The following WFS1 variants were observed in gnomAD, a reference collection of about 807,000 sequenced individuals.
The protein encoded by WFS1 is wolframin.
WFS1 carries 90 observed loss-of-function variants against 68.5 expected under a neutral mutation model. The ratio of observed to expected loss-of-function variants is 1.31; its 90% CI spans 1.11 to 1.56. The LOEUF (loss-of-function observed/expected upper bound fraction) is 1.56, where lower values mean the gene tolerates loss of function less well. Among genes scored for constraint, WFS1 ranks in the 40% most tolerant of loss-of-function variants. WFS1 has a pLI of 0.00. For missense variants in WFS1, 1,767 were observed against 1,232.6 expected (o/e 1.43, Z -6.49); for synonymous variants, 860 against 540.7 (o/e 1.59, Z -8.19).
In WFS1 at chr4:6,302,892, T is replaced by G. The variant is rs1731014410; in HGVS notation, c.*424T>G. On this transcript the variant is annotated 3_prime_UTR_variant, in exon 8 of 8. Coordinates refer to ENST00000226760, the MANE Select transcript of WFS1 (RefSeq NM_006005.3). ...CATCTGTGTAACCTCCACAGTAGCA[T>G]TTCTTATTTGTTTGGTCACTGCTAC... 1 of 238,154 alleles carries G rather than the reference T, an allele frequency of 4.2e-6. No individual in the cohort carries two copies. Among genetic ancestry groups the G allele is most frequent in the Non-Finnish European group, 8.3e-6 (1 of 121,128 alleles). The allele number at this position is 238,154 out of a possible 1,614,324, so 14.8% of individuals were successfully genotyped here.
chr4:6,292,184 G>A (rs754120536), intron 6 of WFS1, among the ~76,000 whole-genome samples, 187 bp downstream of exon 6: 2 of 152,190 alleles, frequency 1.3e-5, no homozygotes, highest in Non-Finnish European at 2.9e-5. Flanking sequence ...CAGGCGGTCC[G>A]TTTGGGGCTC....
At position 6,287,789 on chromosome 4, in the gene WFS1, T is replaced by C. The variant is rs1466107286; in HGVS notation, c.315+614T>C. 1.3e-5 allele frequency among the ~76,000 whole-genome samples: 2 copies of C among 152,188 alleles called. No individual in the cohort carries two copies. Among genetic ancestry groups the C allele is most frequent in the East Asian group, 3.9e-4 (2 of 5,178 alleles). On this transcript the variant is annotated intron_variant, in intron 3 of 7. Transcript: ENST00000226760. The surrounding 1 kb of genome is among the most constrained non-coding windows in gnomAD (Gnocchi z 6.4). ...AGGTGGCAGGGGGTCCTGTGTCCTC[T>C]GTGGAGGCAAGTTCTCACCACCTCA...
chr4:6,300,829 T>C lies in WFS1; in HGVS notation c.1034T>C (p.Ile345Thr). 1 of 1,614,022 alleles carries C rather than the reference T, an allele frequency of 6.2e-7. No homozygotes were observed. Among genetic ancestry groups the C allele is most frequent in the Non-Finnish European group, 8.5e-7 (1 of 1,179,946 alleles). ...ACCATCGACTTCTTCGCCTTCTTCA[T>C]CCCGCTGGTCATCTTCTACCTGTCC... The part of the protein sequence containing the change: ...NLTIDFFAFF[I>T]PLVIFYLSFI... The change falls in exon 8 of 8, where the codon ATC becomes ACC. Residue 345 changes from isoleucine (I) to threonine (T), a missense_variant. Ile to Thr is a moderately conservative substitution (Grantham distance 89, BLOSUM62 -1). Transcript: ENST00000226760.
chr4:6,280,553 G>C (rs917290806), intron 2 of WFS1, among the ~76,000 whole-genome samples: 2 of 152,234 alleles, frequency 1.3e-5, no homozygotes, highest in Non-Finnish European at 2.9e-5. Context: ...TTCTGGGCCT[G>C]TTCTGTTTAG....
Position 6,287,581 on chromosome 4 carries a change from T to A in WFS1, c.315+406T>A, listed in dbSNP as rs762859407. ...CACGGGGCCCTCAGAGCGGTGACCA[T>A]TCACTTGGGCATCAGCCAAGGGCTG... On this transcript the variant is annotated intron_variant, in intron 3 of 7. Transcript: ENST00000226760. The surrounding 1 kb of genome is among the most constrained non-coding windows in gnomAD (Gnocchi z 6.4). Among the ~76,000 whole-genome samples the A allele has an allele frequency of 6.6e-6, 1 of 152,218 alleles. No homozygotes were observed.
intron 6 of WFS1, among the ~76,000 whole-genome samples, chr4:6,293,623 C>G (rs116420908): frequency 1.3e-5 from 2 of 152,300 alleles, no homozygotes; most frequent in Middle Eastern, 3.4e-3. Flanking sequence ...CCCTCTCCCC[C>G]ACCAGGCCCG....
chr4:6,288,149 G>A (rs1730363162), intron 3 of WFS1, among the ~76,000 whole-genome samples: 2 of 151,734 alleles, frequency 1.3e-5, no homozygotes. Context: ...CCCAGGAAGT[G>A]GAGGTTGCAG....
chr4:6,294,540 A>G (rs1389056360), intron 6 of WFS1, among the ~76,000 whole-genome samples: 1 of 152,122 alleles, frequency 6.6e-6, no homozygotes, highest in Non-Finnish European at 1.5e-5. Flanking sequence ...GCAGGTGCAC[A>G]GTAGGCCCTG....
chr4:6,285,958 C>A (rs1730298374), intron 2 of WFS1, among the ~76,000 whole-genome samples: 1 of 152,132 alleles, frequency 6.6e-6, no homozygotes, highest in Non-Finnish European at 1.5e-5. Context: ...GATGTTTTGA[C>A]CCTTGGTCTA....
Position 6,302,209 on chromosome 4 carries a change from G to C in WFS1, c.2414G>C (p.Arg805Pro). 6.2e-7 allele frequency: 1 copy of C among 1,611,088 alleles called. No homozygotes were observed. The highest frequency in any genetic ancestry group is 8.5e-7 in the Non-Finnish European group (1 of 1,178,924). Reference sequence around the variant, plus strand: ...GACGTCACCAAGGACATCGTGCTGCGGGCCAGCAGCGAGTTCAAGAGCGTG... The same window carrying C: ...GACGTCACCAAGGACATCGTGCTGCCGGCCAGCAGCGAGTTCAAGAGCGTG... ...EDDVTKDIVL[R>P]ASSEFKSVLL... The change falls in exon 8 of 8, where the codon CGG becomes CCG. Residue 805 changes from arginine to proline, a missense_variant. By Grantham distance (103) the Arg-to-Pro change is moderately radical (BLOSUM62 -2). Transcript: ENST00000226760.
chr4:6,284,609 G>A (rs1730259503), intron 2 of WFS1, among the ~76,000 whole-genome samples: 1 of 151,934 alleles, frequency 6.6e-6, no homozygotes, highest in South Asian at 2.1e-4. Flanking sequence ...CTGGCGTTGT[G>A]GTGGGAAGTA....
At chr4:6,270,836 C>G (rs1035052234) in intron 1 of WFS1, among the ~76,000 whole-genome samples, 1 of 152,150 alleles carries the variant, frequency 6.6e-6, no homozygotes, top group Non-Finnish European at 1.5e-5. Context: ...TAGCCTTAGG[C>G]GGAGAAGTTA....
chr4:6,300,521 G>C (rs1730839778), intron 7 of WFS1, 136 bp from the exon 8 acceptor site: 7 of 1,354,852 alleles, frequency 5.2e-6, no homozygotes, highest in South Asian at 2.6e-5. Context: ...AGGACCACTA[G>C]GATGGGGCTG....
At chr4:6,297,677 G>C (rs181613982) in intron 7 of WFS1, among the ~76,000 whole-genome samples, 2 of 152,096 alleles carry the variant, frequency 1.3e-5, no homozygotes, top group Non-Finnish European at 2.9e-5. Context: ...CAGAAGGGCC[G>C]ATCACCACAG....
intron 7 of WFS1, among the ~76,000 whole-genome samples, chr4:6,298,548 T>TC: frequency 6.6e-6 from 1 of 151,612 alleles, no homozygotes; most frequent in African/African-American, 2.4e-5. Flanking sequence ...GCAGAGCTGT[T>TC]CCCCCACGTG....
rs373310972 is a variant in WFS1, at chr4:6,302,180, G to C, written c.2385G>C (p.Glu795Asp). ...SGADGSRSRE[E>D]DDVTKDIVLR... is the part of the protein sequence containing the mutation. The stretch of plus-strand genomic sequence containing the variant: ...CTGACGGCTCGCGCAGCCGCGAGGA[G>C]GACGACGTCACCAAGGACATCGTGC... Residue 795 changes from glutamate (E) to aspartate (D), a missense_variant, in exon 8 of 8, where the codon GAG (glutamate) becomes GAC (aspartate). Physicochemically the swap from Glu to Asp is conservative, Grantham distance 45 (BLOSUM62 2). Coordinates refer to ENST00000226760, the MANE Select transcript of WFS1 (RefSeq NM_006005.3). 6.6e-5 allele frequency: 107 copies of C among 1,612,554 alleles called. 1 individual carries two copies. Among genetic ancestry groups the C allele is most frequent in the African/African-American group, 3.3e-4 (25 of 75,070 alleles).
intron 5 of WFS1, 83 bp from the exon 6 acceptor site, chr4:6,291,834 A>G: frequency 6.9e-7 from 1 of 1,439,460 alleles, no homozygotes; most frequent in Non-Finnish European, 9.6e-7. Context: ...TGCCCTAGGA[A>G]CAGTGCGCCA....
In WFS1 at chr4:6,277,580, G is replaced by C. The variant is rs750806151; in HGVS notation, c.125G>C (p.Arg42Pro). 6.3e-7 allele frequency: 1 copy of C among 1,583,248 alleles called. No homozygotes were observed. The highest frequency in any genetic ancestry group is 1.8e-5 in the Admixed American group (1 of 55,910). ...SLEQERSERP[R>P]APGPQAGPGP... Reference sequence around the variant, plus strand: ...GAGCAGGAGAGGAGCGAAAGGCCCCGAGCACCCGGACCCCAGGCTGGCCCT... The same window carrying C: ...GAGCAGGAGAGGAGCGAAAGGCCCCCAGCACCCGGACCCCAGGCTGGCCCT... Residue 42 changes from arginine to proline, a missense_variant, in exon 2 of 8, where the codon CGA becomes CCA. Arg to Pro is a moderately radical substitution (Grantham distance 103). Transcript: ENST00000226760.
chr4:6,288,364 T>C (rs1239337672), intron 3 of WFS1: 2 of 156,696 alleles, frequency 1.3e-5, no homozygotes, highest in Admixed American at 6.1e-5. Flanking sequence ...GCCTCACTTT[T>C]TCCATCTGTA....
Sources: allele counts gnomAD v4.1 joint callset (sites outside exome capture counted in the v4.1 genomes callset), GRCh38; gene constraint gnomAD v4.1.1; non-coding constraint Gnocchi (gnomAD v3.1); transcripts MANE v1.5; gene names NCBI Gene and HGNC (gene_info 2026-07-23, HGNC 2026-07-21).